Variants in PPFIBP1 observed in about 807,000 individuals in gnomAD.
The protein encoded by PPFIBP1 is PPFIB scaffold protein 1.
PPFIBP1 carries 112 observed loss-of-function variants against 137.8 expected under a neutral mutation model. The observed-to-expected ratio is 0.81, with a 90% CI of 0.70 to 0.95. The LOEUF (loss-of-function observed/expected upper bound fraction) is 0.95, where lower values mean the gene tolerates loss of function less well. PPFIBP1 is among the 40% of genes least tolerant of loss of function. PPFIBP1 has a pLI of 0.00. For synonymous variants in PPFIBP1, 378 were observed against 417.3 expected, an observed-to-expected ratio of 0.91 and a Z score of 1.15; for missense variants, 1,083 against 1,196.6, an observed-to-expected ratio of 0.91 and a Z score of 1.40.
intron 2 of PPFIBP1, among the ~76,000 whole-genome samples, chr12:27,581,694 A>G (rs1328764840): frequency 6.6e-6 from 1 of 152,036 alleles, no homozygotes; most frequent in Non-Finnish European, 1.5e-5. Context: ...ATTTTATGCA[A>G]TTTGTACTAA....
chr12:27,583,878 C>A (rs906398476), intron 2 of PPFIBP1, among the ~76,000 whole-genome samples: 6 of 152,156 alleles, frequency 3.9e-5, no homozygotes, highest in African/African-American at 1.4e-4. Flanking sequence ...TGTGGCCCCA[C>A]TGAATTCACA....
At chr12:27,559,230 G>T (rs1017039435) in intron 1 of PPFIBP1, among the ~76,000 whole-genome samples, 1 of 151,534 alleles carries the variant, frequency 6.6e-6, no homozygotes, top group Admixed American at 6.6e-5. Context: ...GGAGTGTAGT[G>T]CAGTCTCAGC....
At chr12:27,613,318 T>C (rs1402532422) in intron 2 of PPFIBP1, among the ~76,000 whole-genome samples, 1 of 152,240 alleles carries the variant, frequency 6.6e-6, no homozygotes, top group Non-Finnish European at 1.5e-5. Context: ...AAACCTTGGA[T>C]ATTACACATA....
rs770311002 is a variant in PPFIBP1, at chr12:27,656,657, A to C, written c.738A>C (p.Glu246Asp). 6.2e-7 allele frequency: 1 copy of C among 1,612,858 alleles called. No homozygotes were observed. Among genetic ancestry groups the C allele is most frequent in the South Asian group, 1.1e-5 (1 of 90,998 alleles). The change falls in exon 9 of 30, where the codon GAA (glutamate) becomes GAC (aspartate). Residue 246 changes from glutamate to aspartate, a missense_variant. Coordinates refer to ENST00000228425, the MANE Select transcript of PPFIBP1 (RefSeq NM_003622.4). ...TAAAAGAACAACTAGAAGAAAAGGA[A>C]TCTGAAGTAAAAAGGCTACAAGAAA... ...ASLKEQLEEK[E>D]SEVKRLQEKL... is the part of the protein sequence containing the mutation.
At chr12:27,675,336 G>A (rs540130569) in intron 17 of PPFIBP1, among the ~76,000 whole-genome samples, 2 of 152,262 alleles carry the variant, frequency 1.3e-5, no homozygotes, top group East Asian at 1.9e-4. Context: ...TGATTTTGAC[G>A]TCATTGTTGA....
chr12:27,690,044 GA>G (rs2061435859), intron 27 of PPFIBP1, among the ~76,000 whole-genome samples: 1 of 152,138 alleles, frequency 6.6e-6, no homozygotes, highest in South Asian at 2.1e-4. Flanking sequence ...TCTGGGGTGC[GA>G]GATTTTCCAG....
intron 2 of PPFIBP1, chr12:27,592,726 C>G: frequency 1.8e-6 from 2 of 1,085,230 alleles, no homozygotes; most frequent in Non-Finnish European, 1.4e-6. Flanking sequence ...TGTCCTTTGG[C>G]TGGCAGTTGC....
intron 2 of PPFIBP1, among the ~76,000 whole-genome samples, chr12:27,585,160 G>C (rs2051578284): frequency 6.6e-6 from 1 of 152,228 alleles, no homozygotes; most frequent in South Asian, 2.1e-4. Flanking sequence ...GAATTTGAAT[G>C]AATGAATGAA....
chr12:27,554,348 A>G (rs1251260339), intron 1 of PPFIBP1, among the ~76,000 whole-genome samples: 1 of 152,250 alleles, frequency 6.6e-6, no homozygotes. Flanking sequence ...AAAAAGATAT[A>G]CACTAGGAGG....
intron 2 of PPFIBP1, among the ~76,000 whole-genome samples, chr12:27,632,680 C>T (rs1281170480): frequency 6.6e-6 from 1 of 152,012 alleles, no homozygotes; most frequent in African/African-American, 2.4e-5. Context: ...TGTTTCCATG[C>T]AAAAATCAAA....
At chr12:27,586,867 T>C (rs1471400141) in intron 2 of PPFIBP1, among the ~76,000 whole-genome samples, 12 of 152,176 alleles carry the variant, frequency 7.9e-5, no homozygotes. Flanking sequence ...AAATTCTTAG[T>C]ATTGTAAGTG....
At chr12:27,687,313 C>A in intron 24 of PPFIBP1, 72 bp from the exon 25 acceptor site, 1 of 1,531,888 alleles carries the variant, frequency 6.5e-7, no homozygotes, top group Non-Finnish European at 8.8e-7. Flanking sequence ...CTCCAGTTTT[C>A]TGAGATTCCC....
At chr12:27,580,969 G>A (rs2051046981) in intron 2 of PPFIBP1, among the ~76,000 whole-genome samples, 1 of 151,548 alleles carries the variant, frequency 6.6e-6, no homozygotes, top group Non-Finnish European at 1.5e-5. Context: ...GGAGTACAGT[G>A]ATGTGATCCT....
chr12:27,543,103 C>T lies in PPFIBP1; in HGVS notation c.-124+18738C>T, dbSNP rs374258371. Among the ~76,000 whole-genome samples, 33 of 152,174 alleles carry T rather than the reference C, an allele frequency of 2.2e-4. 1 individual carries two copies. The highest frequency in any genetic ancestry group is 7.0e-4 in the African/African-American group (29 of 41,500). On this transcript the variant is annotated intron_variant, in intron 1 of 29. Coordinates refer to ENST00000228425, the MANE Select transcript of PPFIBP1 (RefSeq NM_003622.4). ...TTAGGTTAGATTTGATGGGTCTTTA[C>T]GCCAGACCTTGTTCAACCACATAAA...
intron 24 of PPFIBP1, among the ~76,000 whole-genome samples, chr12:27,682,991 A>C (rs537873279): frequency 6.6e-6 from 1 of 152,368 alleles, no homozygotes; most frequent in South Asian, 2.1e-4. Context: ...TACATTCAAC[A>C]AAGTAAACAC....
rs201926701 is a variant in PPFIBP1 at position 27,673,709 on chromosome 12, CT to C, written c.1320-56del. ...TTTAGTTTCTTTCCAAGATGTTTTA[CT>C]TAGAAACAGTGGCACTGGAGCCACT... is the stretch of plus-strand genomic sequence containing the variant. On this transcript the variant is annotated intron_variant, in intron 15 of 29. Coordinates refer to ENST00000228425, the MANE Select transcript of PPFIBP1 (RefSeq NM_003622.4). 2,270 of 1,442,304 alleles carry C rather than the reference CT, an allele frequency of 1.6e-3. 84 individuals are homozygous for C. In the East Asian group the frequency reaches 0.051, roughly 32 times the overall value. 89.3% of individuals were successfully genotyped at this position (1,442,304 alleles called of 1,614,324 possible).
rs76680635 is a variant in PPFIBP1 at position 27,671,358 on chromosome 12, T to C, written c.1147-73T>C. 1,656 of 820,552 alleles carry C rather than the reference T, an allele frequency of 2.0e-3. 22 individuals are homozygous for C. In the African/African-American group the frequency reaches 0.026, roughly 13 times the overall value. The allele number at this position is 820,552 out of a possible 1,614,324, so 50.8% of individuals were successfully genotyped here. ...GTCAATAGACCGTTTAATTTTCTTA[T>C]GTTTATTTAAATTACTCTGTGGCTT... On this transcript the variant is annotated intron_variant, in intron 13 of 29. Transcript: ENST00000228425.
intron 24 of PPFIBP1, among the ~76,000 whole-genome samples, chr12:27,686,379 A>G (rs1593383997): frequency 6.6e-6 from 1 of 152,154 alleles, no homozygotes; most frequent in East Asian, 1.9e-4. Flanking sequence ...TGCTCCCAAT[A>G]TCACCTTCTT....
chr12:27,581,174 C>T (rs1444715211), intron 2 of PPFIBP1, among the ~76,000 whole-genome samples: 2 of 152,150 alleles, frequency 1.3e-5, no homozygotes, highest in African/African-American at 4.8e-5. Context: ...AGATTATAAG[C>T]GTGAGCCACT....
Sources: allele counts gnomAD v4.1 joint callset (sites outside exome capture counted in the v4.1 genomes callset), GRCh38; gene constraint gnomAD v4.1.1; transcripts MANE v1.5; gene names NCBI Gene and HGNC (gene_info 2026-07-23, HGNC 2026-07-21).